SLC1A2: variants seen among roughly 807,000 people sequenced by gnomAD.
The protein encoded by SLC1A2 is excitatory amino acid transporter 2.
A neutral mutation model predicts 48.8 loss-of-function variants in SLC1A2; 15 were observed. That is an observed-to-expected ratio of 0.31 (90% CI 0.21 to 0.47). The LOEUF (loss-of-function observed/expected upper bound fraction) is 0.47. SLC1A2 is among the 20% of genes least tolerant of loss of function. The pLI, the probability that SLC1A2 is intolerant of heterozygous loss-of-function variation, is 0.99. For synonymous variants in SLC1A2, 279 were observed against 272.6 expected (o/e 1.02, Z -0.23); for missense variants, 502 against 730.5 (o/e 0.69, Z 3.61).
chr11:35,354,651 C>A (rs529248836), intron 1 of SLC1A2, among the ~76,000 whole-genome samples: 1 of 152,100 alleles, frequency 6.6e-6, no homozygotes, highest in African/African-American at 2.4e-5. Flanking sequence ...ATTATTTTGA[C>A]CCAAATGCCA....
chr11:35,390,939 T>G (rs1420068012), intron 1 of SLC1A2: 2 of 152,244 alleles, frequency 1.3e-5, no homozygotes. Flanking sequence ...GTGCTGAGCT[T>G]ACAGGTGTGA....
intron 1 of SLC1A2, among the ~76,000 whole-genome samples, chr11:35,393,509 C>A (rs1456464120): frequency 6.6e-6 from 1 of 152,114 alleles, no homozygotes; most frequent in Non-Finnish European, 1.5e-5. Context: ...CACCCATATC[C>A]CCCAGTGTGT....
chr11:35,374,912 CA>C (rs2135180190), intron 1 of SLC1A2, among the ~76,000 whole-genome samples: 1 of 152,218 alleles, frequency 6.6e-6, no homozygotes, highest in South Asian at 2.1e-4. Context: ...TGTGTATAGT[CA>C]GTTCTTAATG....
intron 1 of SLC1A2, among the ~76,000 whole-genome samples, chr11:35,383,423 C>A (rs1388627596): frequency 6.6e-6 from 1 of 152,044 alleles, no homozygotes; most frequent in Non-Finnish European, 1.5e-5. Flanking sequence ...ATAAAGATGT[C>A]ATGGGATTAT....
At chr11:35,418,402 C>G (rs1466778772) in intron 1 of SLC1A2, 1 of 152,686 alleles carries the variant, frequency 6.5e-6, no homozygotes, top group Non-Finnish European at 1.5e-5. Flanking sequence ...TTCCTTAGAG[C>G]TAGCCAGGGA....
intron 1 of SLC1A2, among the ~76,000 whole-genome samples, chr11:35,342,179 G>A (rs937660778): frequency 6.6e-6 from 1 of 152,160 alleles, no homozygotes; most frequent in South Asian, 2.1e-4. Flanking sequence ...TTAAAATAAT[G>A]CATATAAATG....
intron 9 of SLC1A2, among the ~76,000 whole-genome samples, chr11:35,277,234 A>C (rs1850469033): frequency 6.6e-6 from 1 of 152,164 alleles, no homozygotes; most frequent in African/African-American, 2.4e-5. Flanking sequence ...GTCTTCTCCA[A>C]CCGTTCCAAC....
intron 1 of SLC1A2, among the ~76,000 whole-genome samples, chr11:35,345,400 T>C (rs1431072345): frequency 6.6e-6 from 1 of 152,240 alleles, no homozygotes; most frequent in Admixed American, 6.5e-5. Flanking sequence ...GTCACTTGCC[T>C]GTGATTGCAC....
At chr11:35,314,702 G>A (rs1851813057) in intron 3 of SLC1A2, among the ~76,000 whole-genome samples, 2 of 143,788 alleles carry the variant, frequency 1.4e-5, no homozygotes, top group South Asian at 2.2e-4. Context: ...AACAGAGGGA[G>A]ACTCCATCTC....
intron 1 of SLC1A2, chr11:35,322,565 C>T: frequency 2.0e-6 from 3 of 1,523,930 alleles, no homozygotes; most frequent in Non-Finnish European, 2.6e-6. Context: ...ACCCACCTGT[C>T]CTTCCACTGC....
At chr11:35,338,179 A>G (rs1852702191) in intron 1 of SLC1A2, among the ~76,000 whole-genome samples, 1 of 151,656 alleles carries the variant, frequency 6.6e-6, no homozygotes, top group South Asian at 2.1e-4. Context: ...TTGTTTACCT[A>G]TTGTCTACGG....
intron 1 of SLC1A2, among the ~76,000 whole-genome samples, chr11:35,387,340 G>T (rs1430478130): frequency 1.3e-5 from 2 of 152,142 alleles, no homozygotes; most frequent in African/African-American, 2.4e-5. Context: ...GAAACGTGGG[G>T]TCTCTGGCCA....
chr11:35,364,601 A>G (rs1853781807), intron 1 of SLC1A2, among the ~76,000 whole-genome samples: 1 of 152,218 alleles, frequency 6.6e-6, no homozygotes, highest in Non-Finnish European at 1.5e-5. Context: ...AAGTTTGAAT[A>G]CCACTCACTA....
chr11:35,283,322 G>A (rs1364170793), intron 8 of SLC1A2, among the ~76,000 whole-genome samples: 2 of 152,184 alleles, frequency 1.3e-5, no homozygotes, highest in African/African-American at 2.4e-5. Context: ...ACTTGGAAGC[G>A]CAGCCTGAAG....
At chr11:35,339,210 C>T (rs934977723) in intron 1 of SLC1A2, among the ~76,000 whole-genome samples, 1 of 152,180 alleles carries the variant, frequency 6.6e-6, no homozygotes, top group African/African-American at 2.4e-5. Context: ...CTTGACCTCC[C>T]TCTGTTGGGA....
intron 9 of SLC1A2, among the ~76,000 whole-genome samples, chr11:35,266,565 G>A (rs1950488290): frequency 6.6e-6 from 1 of 152,130 alleles, no homozygotes; most frequent in East Asian, 1.9e-4. Flanking sequence ...TCAGTGCCAG[G>A]AAAGCTAATT....
chr11:35,345,756 AAAT>A (rs1445322448), intron 1 of SLC1A2, among the ~76,000 whole-genome samples: 1 of 152,246 alleles, frequency 6.6e-6, no homozygotes, highest in Admixed American at 6.5e-5. Context: ...CAGATGAGCT[AAAT>A]AATATACATT....
At chr11:35,400,689 G>A (rs1341685695) in intron 1 of SLC1A2, among the ~76,000 whole-genome samples, 2 of 152,240 alleles carry the variant, frequency 1.3e-5, no homozygotes, top group Non-Finnish European at 1.5e-5. Flanking sequence ...TTTCTAGAGG[G>A]ATAACTTTTT....
At chr11:35,386,985 G>T (rs1315890183) in intron 1 of SLC1A2, among the ~76,000 whole-genome samples, 1 of 152,004 alleles carries the variant, frequency 6.6e-6, no homozygotes, top group Non-Finnish European at 1.5e-5. Context: ...GCCCAGGCTG[G>T]TCTTGAACTT....
Sources: allele counts gnomAD v4.1 joint callset (sites outside exome capture counted in the v4.1 genomes callset), GRCh38; gene constraint gnomAD v4.1.1; transcripts MANE v1.5; gene names NCBI Gene and HGNC (gene_info 2026-07-23, HGNC 2026-07-21).